The following HM13 variants were observed in gnomAD, a reference collection of about 807,000 sequenced individuals.
HM13 encodes the protein signal peptide peptidase.
In HM13, 18 loss-of-function variants were observed where a neutral mutation model predicts 50.0. That is an observed-to-expected ratio of 0.36 (90% CI 0.25 to 0.53). The LOEUF is 0.53. HM13 is among the 20% of genes least tolerant of loss of function. HM13 has a pLI of 0.90. For missense variants in HM13, 393 were observed against 552.4 expected, an observed-to-expected ratio of 0.71 and a Z score of 2.89; for synonymous variants, 197 against 232.6, an observed-to-expected ratio of 0.85 and a Z score of 1.39.
chr20:31,518,560 C>T (rs1255368279), intron 1 of HM13, among the ~76,000 whole-genome samples: 1 of 151,530 alleles, frequency 6.6e-6, no homozygotes, highest in Non-Finnish European at 1.5e-5. Context: ...GCACAAGAAT[C>T]GCTTGAACCC....
At chr20:31,551,074 G>C (rs1017412945) in intron 7 of HM13, among the ~76,000 whole-genome samples, 4 of 152,054 alleles carry the variant, frequency 2.6e-5, no homozygotes, top group Non-Finnish European at 4.4e-5. Context: ...TTAAACTTAG[G>C]TTTTATCCCC....
rs1984763198 is a variant in HM13 at position 31,564,095 on chromosome 20, A to C, written c.949-2115A>C. 3 of 151,962 alleles carry C rather than the reference A, an allele frequency of 2.0e-5. No homozygotes were observed. The South Asian group carries it at 6.2e-4, about 32-fold the overall frequency. 9.4% of individuals were successfully genotyped at this position (151,962 alleles called of 1,614,324 possible). On this transcript the variant is annotated intron_variant, in intron 10 of 12. Transcript: ENST00000398174. ...TGTCTCAGAAAAAAAAAAAAAAAGA[A>C]TGAAGTTTCCTCACCCTCTCCAGGA... is the stretch of plus-strand genomic sequence containing the variant.
chr20:31,564,875 A>G (rs1984812015), intron 10 of HM13, among the ~76,000 whole-genome samples: 1 of 151,452 alleles, frequency 6.6e-6, no homozygotes, highest in Non-Finnish European at 1.5e-5. Flanking sequence ...AAGAAAAGAA[A>G]AGAAACTCGG....
intron 3 of HM13, chr20:31,539,026 C>T: frequency 2.1e-6 from 2 of 953,608 alleles, no homozygotes; most frequent in Non-Finnish European, 2.5e-6. Context: ...AGCAACAGAG[C>T]CAGGATTCAA....
rs116326002 is a variant in HM13, at chr20:31,559,835, G to C, written c.845+188G>C. Among the ~76,000 whole-genome samples the C allele has an allele frequency of 4.9e-3, 740 of 152,312 alleles. 7 individuals are homozygous for C. The highest frequency in any genetic ancestry group is 0.017 in the African/African-American group (702 of 41,550). ...TTGAAGAGCCTGTGGTCAAAAAATT[G>C]TTTTAAGAATCATAGGCCAAGAGAT... On this transcript the variant is annotated intron_variant, in intron 9 of 12. Transcript: ENST00000398174.
intron 4 of HM13, among the ~76,000 whole-genome samples, chr20:31,546,944 G>C (rs913923727): frequency 5.9e-5 from 9 of 152,122 alleles, no homozygotes; most frequent in African/African-American, 2.2e-4. Context: ...AAATAAAACA[G>C]TAAAAAGGCT....
intron 1 of HM13, among the ~76,000 whole-genome samples, chr20:31,525,155 G>C (rs1231595691): frequency 6.6e-6 from 1 of 152,140 alleles, no homozygotes; most frequent in Non-Finnish European, 1.5e-5. Flanking sequence ...AGGCACAGTG[G>C]TGCATGCCTG....
intron 1 of HM13, among the ~76,000 whole-genome samples, chr20:31,519,907 G>A (rs1982049455): frequency 6.7e-6 from 1 of 149,836 alleles, no homozygotes. Flanking sequence ...GAGTGCGGTG[G>A]TGCCATCTCA....
chr20:31,552,603 A>G (rs1432458600), intron 7 of HM13, among the ~76,000 whole-genome samples: 1 of 152,206 alleles, frequency 6.6e-6, no homozygotes, highest in Non-Finnish European at 1.5e-5. Context: ...AAGTGCTCAT[A>G]TGCTGACATC....
intron 2 of HM13, among the ~76,000 whole-genome samples, chr20:31,533,468 G>A (rs1341909318): frequency 6.6e-6 from 1 of 152,236 alleles, no homozygotes; most frequent in Non-Finnish European, 1.5e-5. Flanking sequence ...ACATGCCACT[G>A]CACTCCAGCC....
intron 3 of HM13, 80 bp from the exon 4 acceptor site, chr20:31,544,867 C>T (rs1315782796): frequency 6.4e-6 from 7 of 1,096,210 alleles, no homozygotes; most frequent in Non-Finnish European, 9.8e-6. Flanking sequence ...AGGGTGCCAG[C>T]TGTAAATGGG....
In HM13 at chr20:31,530,275, A is replaced by G. The variant is rs539424031; in HGVS notation, c.282+2693A>G. 2.8e-4 allele frequency among the ~76,000 whole-genome samples: 43 copies of G among 152,264 alleles called. 2 individuals are homozygous for G. The highest frequency in any genetic ancestry group is 6.5e-5 in the Admixed American group (1 of 15,296). On this transcript the variant is annotated intron_variant, in intron 2 of 12. Transcript: ENST00000398174. ...CAAATGAACCATAATCCTCTCCCCAATACAGTTTCCTGTGATTCTGTCATG... is the reference window on the plus strand; with the variant it reads ...CAAATGAACCATAATCCTCTCCCCAGTACAGTTTCCTGTGATTCTGTCATG...
chr20:31,562,511 C>T (rs144918722), intron 10 of HM13: 1 of 152,290 alleles, frequency 6.6e-6, no homozygotes, highest in African/African-American at 2.4e-5. Flanking sequence ...CTCTCAAGCC[C>T]TGGCCATGGG....
chr20:31,555,443 T>C (rs922295947), intron 8 of HM13, among the ~76,000 whole-genome samples: 6 of 152,110 alleles, frequency 3.9e-5, no homozygotes, highest in African/African-American at 1.2e-4. Context: ...ACACGGGCCC[T>C]GTCCACAATC....
At chr20:31,551,507 A>G (rs973298804) in intron 7 of HM13, among the ~76,000 whole-genome samples, 6 of 152,230 alleles carry the variant, frequency 3.9e-5, no homozygotes, top group African/African-American at 1.4e-4. Context: ...ACTGTGTCAC[A>G]GGCCCAAGTC....
At chr20:31,536,524 C>T (rs529358619) in intron 2 of HM13, among the ~76,000 whole-genome samples, 1 of 152,162 alleles carries the variant, frequency 6.6e-6, no homozygotes, top group African/African-American at 2.4e-5. Context: ...GAAGTCCTCT[C>T]ATGCTGTCTG....
intron 4 of HM13, among the ~76,000 whole-genome samples, chr20:31,546,344 C>A (rs1012079262): frequency 6.6e-6 from 1 of 152,128 alleles, no homozygotes; most frequent in African/African-American, 2.4e-5. Flanking sequence ...CCGTAGCACT[C>A]TCTCTTACTG....
chr20:31,527,224 G>A (rs1982540017), intron 1 of HM13, among the ~76,000 whole-genome samples: 1 of 152,144 alleles, frequency 6.6e-6, no homozygotes, highest in South Asian at 2.1e-4. Context: ...TATAGTCCCA[G>A]CTACTCGGGA....
chr20:31,554,830 G>T lies in HM13; in HGVS notation c.808+1G>T. On this transcript the variant is annotated splice_donor_variant, in intron 8 of 12. Transcript: ENST00000398174. LOFTEE classifies it high-confidence loss of function. Reference sequence around the variant, plus strand: ...GGACTTGGAGATGTCGTCATTCCAGGTGAGCCTGCTGGTGTGGGGGCTATG... The same window carrying T: ...GGACTTGGAGATGTCGTCATTCCAGTTGAGCCTGCTGGTGTGGGGGCTATG... 1 of 1,613,670 alleles carries T rather than the reference G, an allele frequency of 6.2e-7. No individual in the cohort carries two copies. Among genetic ancestry groups the T allele is most frequent in the Non-Finnish European group, 8.5e-7 (1 of 1,179,554 alleles).
Sources: allele counts gnomAD v4.1 joint callset (sites outside exome capture counted in the v4.1 genomes callset), GRCh38; gene constraint gnomAD v4.1.1; transcripts MANE v1.5; gene names NCBI Gene and HGNC (gene_info 2026-07-23, HGNC 2026-07-21).